MGAM: variants seen among roughly 807,000 people sequenced by gnomAD.
MGAM encodes maltase-glucoamylase.
A neutral mutation model predicts 358.8 loss-of-function variants in MGAM; 253 were observed. That is an observed-to-expected ratio of 0.71 (90% confidence interval 0.64 to 0.78). The LOEUF (loss-of-function observed/expected upper bound fraction) is 0.78. Among genes scored for constraint, MGAM ranks in the 30% least tolerant of loss-of-function variants. The probability of loss-of-function intolerance (pLI) is 0.00; values close to 1 mark genes in which losing one functional copy is unlikely to be tolerated. For missense variants in MGAM, 3,080 were observed against 3,432.6 expected (o/e 0.90, Z 2.57); for synonymous variants, 1,105 against 1,227.1 (o/e 0.90, Z 2.08).
chr7:142,061,052 A>G (rs758141288), intron 34 of MGAM, among the ~76,000 whole-genome samples: 7 of 152,326 alleles, frequency 4.6e-5, no homozygotes, highest in Non-Finnish European at 1.0e-4. Context: ...TTGAATGAAT[A>G]CATGGCTCCT....
chr7:142,089,200 A>G (rs1204197014), intron 57 of MGAM, among the ~76,000 whole-genome samples: 3 of 145,836 alleles, frequency 2.1e-5, no homozygotes, highest in African/African-American at 4.9e-5. Flanking sequence ...TCAGTATCAG[A>G]ACCCCACAGT....
Position 142,071,179 on chromosome 7 carries a change from G to A in MGAM, c.5186+61G>A, listed in dbSNP as rs183986540. 4.1e-4 allele frequency: 610 copies of A among 1,488,978 alleles called. 94 individuals are homozygous for A. Among genetic ancestry groups the A allele is most frequent in the Admixed American group, 1.4e-3 (72 of 51,708 alleles). 92.2% of individuals were successfully genotyped at this position (1,488,978 alleles called of 1,614,324 possible). ...AGTTAGCTCAACAATTTGTGATGAAGTCTACCAAAATGTAAGCATCACTTT... is the reference window on the plus strand; with the variant it reads ...AGTTAGCTCAACAATTTGTGATGAAATCTACCAAAATGTAAGCATCACTTT... On this transcript the variant is annotated intron_variant, in intron 44 of 70. Transcript: ENST00000475668.
intron 23 of MGAM, among the ~76,000 whole-genome samples, 180 bp from the exon 24 acceptor site, chr7:142,050,517 G>A (rs753097068): frequency 6.6e-6 from 1 of 152,074 alleles, no homozygotes; most frequent in African/African-American, 2.4e-5. Context: ...TTTTATGATC[G>A]TTTTAAATTA....
In MGAM at chr7:142,060,326, C is replaced by G; in HGVS notation, c.4075C>G (p.Pro1359Ala). The change falls in exon 34 of 71, where the codon CCT (proline) becomes GCT (alanine). Residue 1359 changes from proline to alanine, a missense_variant. By Grantham distance (27) the Pro-to-Ala change is conservative. This residue lies in a region of MGAM where 1,816 missense variants were observed against 1,840.5 expected (regional missense o/e 0.99). Coordinates refer to ENST00000475668, the MANE Select transcript of MGAM (RefSeq NM_001365693.1). ...IVWGKVWPDF[P>A]DVVVNGSLDW... is the part of the protein sequence containing the mutation. ...CTCTCCATAGGTCTGGCCTGATTTTCCTGATGTTGTTGTGAATGGGTCTCT... is the reference window on the plus strand; with the variant it reads ...CTCTCCATAGGTCTGGCCTGATTTTGCTGATGTTGTTGTGAATGGGTCTCT... 1 of 1,614,040 alleles carries G rather than the reference C, an allele frequency of 6.2e-7. No individual in the cohort carries two copies. Among genetic ancestry groups the G allele is most frequent in the Non-Finnish European group, 8.5e-7 (1 of 1,179,872 alleles).
chr7:142,007,296 TTGTTTATTGAATTTTTA>T (rs1469769161), intron 2 of MGAM, among the ~76,000 whole-genome samples: 1 of 152,130 alleles, frequency 6.6e-6, no homozygotes, highest in African/African-American at 2.4e-5. Context: ...CAAACTTTTT[TTGTTTATTGAATTTTTA>T]TATCCTCAAA....
chr7:142,050,874 C>G lies in MGAM; in HGVS notation c.2805+10C>G, dbSNP rs758499469. 2.5e-6 allele frequency: 4 copies of G among 1,613,336 alleles called. No individual in the cohort carries two copies. In the African/African-American group the frequency reaches 5.3e-5, roughly 22 times the overall value. On this transcript the variant is annotated intron_variant, in intron 24 of 70. Transcript: ENST00000475668. ...TGATTCTAACCTGAAGGTAAAAACC[C>G]ATTTTGTTGAGATGGTACATTGAGA...
In MGAM at chr7:142,068,550, A is replaced by G. The variant is rs557133445; in HGVS notation, c.5005-97A>G. ...TTGGGACATGAGGCAGCTGGGTCCA[A>G]AGCCATCACAATTATTTCACCTCTT... is the stretch of plus-strand genomic sequence containing the variant. On this transcript the variant is annotated intron_variant, in intron 42 of 70. Transcript: ENST00000475668. 52 of 1,003,200 alleles carry G rather than the reference A, an allele frequency of 5.2e-5. No homozygotes were observed. The African/African-American group carries it at 7.1e-4, about 14-fold the overall frequency. 62.1% of individuals were successfully genotyped at this position (1,003,200 alleles called of 1,614,324 possible).
Position 142,027,232 on chromosome 7 carries a change from A to G in MGAM, c.1095+5A>G, listed in dbSNP as rs781864437. On this transcript the variant is annotated splice_donor_5th_base_variant and intron_variant, in intron 9 of 70. Transcript: ENST00000475668. ...GTTGTTCAAGAATATCTAGAGGTAAACTTAGGATGTCAAGATTATGACTCA... is the reference window on the plus strand; with the variant it reads ...GTTGTTCAAGAATATCTAGAGGTAAGCTTAGGATGTCAAGATTATGACTCA... 11 of 1,587,674 alleles carry G rather than the reference A, an allele frequency of 6.9e-6. No individual in the cohort carries two copies. In the East Asian group the frequency reaches 2.5e-4, roughly 35 times the overall value.
chr7:142,104,525 T>A (rs923284071), intron 70 of MGAM, among the ~76,000 whole-genome samples: 1 of 152,248 alleles, frequency 6.6e-6, no homozygotes, highest in African/African-American at 2.4e-5. Flanking sequence ...CACTAGTGTC[T>A]ATGAAGTTTT....
intron 57 of MGAM, among the ~76,000 whole-genome samples, chr7:142,091,646 G>A (rs1440148258): frequency 6.8e-6 from 1 of 146,362 alleles, no homozygotes; most frequent in Non-Finnish European, 1.5e-5. Context: ...GAGGTCACTA[G>A]TTCGGGTCAT....
rs1190155529 is a variant in MGAM, at chr7:142,095,609, C to T, written c.7503C>T (p.Ser2501=). ...GGGATGTTGCTTTTGTGAATATTTCCAGAACTGTCCTGCAGACCAGATACA... is the reference window on the plus strand; with the variant it reads ...GGGATGTTGCTTTTGTGAATATTTCTAGAACTGTCCTGCAGACCAGATACA... The part of the protein sequence containing the change: ...VSWDVAFVNI[S]RTVLQTRYTL... Residue 2501 remains serine (S), a synonymous_variant, in exon 64 of 71, where the codon TCC becomes TCT. Coordinates refer to ENST00000475668, the MANE Select transcript of MGAM (RefSeq NM_001365693.1). The T allele has an allele frequency of 1.9e-6, 3 of 1,613,634 alleles. No individual in the cohort carries two copies. The highest frequency in any genetic ancestry group is 2.5e-6 in the Non-Finnish European group (3 of 1,179,784).
At chr7:142,064,066 G>A (rs7797360) in intron 36 of MGAM, among the ~76,000 whole-genome samples, 94,793 of 152,088 alleles carry the variant, frequency 0.62, 29,827 homozygotes, top group East Asian at 0.87. Context: ...TGTAAAAGAC[G>A]GATAATGAGA....
intron 21 of MGAM, among the ~76,000 whole-genome samples, chr7:142,041,965 ATATATTATATATATATAATATAAT>A (rs1808735441): frequency 1.6e-4 from 4 of 24,758 alleles, no homozygotes; most frequent in East Asian, 2.3e-3. Flanking sequence ...TATAATATAT[ATATATTATATATATATAATATAAT>A]ATATATATAT....
intron 7 of MGAM, among the ~76,000 whole-genome samples, chr7:142,023,360 C>G (rs1806640427): frequency 6.6e-6 from 1 of 151,970 alleles, no homozygotes; most frequent in African/African-American, 2.4e-5. Flanking sequence ...CCACTGTGCC[C>G]AGCTGGGCTT....
Position 142,084,548 on chromosome 7 carries a change from C to T in MGAM, c.6411C>T (p.Tyr2137=), listed in dbSNP as rs774484908. 88 of 1,555,566 alleles carry T rather than the reference C, an allele frequency of 5.7e-5. 18 individuals carry two copies. The highest frequency in any genetic ancestry group is 7.7e-5 in the Non-Finnish European group (87 of 1,132,304). ...TTGGCCGGCCTGTGATGGTACCTTA[C>T]TGGTCTTTGGGGTTCCAGCTGTGTC... ...ELIGRPVMVP[Y]WSLGFQLCRY... The change falls in exon 54 of 71, where the codon TAC becomes TAT. Residue 2137 remains tyrosine, a synonymous_variant. Transcript: ENST00000475668.
intron 44 of MGAM, among the ~76,000 whole-genome samples, chr7:142,072,547 A>G (rs73740268): frequency 0.096 from 14,097 of 146,192 alleles, 2,109 homozygotes; most frequent in African/African-American, 0.23. Context: ...TACTCTGTGC[A>G]TGAAAATTGT....
At chr7:142,041,974 AT>A (rs1808751922) in intron 21 of MGAM, among the ~76,000 whole-genome samples, 1 of 26,422 alleles carries the variant, frequency 3.8e-5, no homozygotes, top group Non-Finnish European at 6.9e-5. Context: ...TATATATTAT[AT>A]ATATATAATA....
At chr7:142,055,472 GT>G in intron 27 of MGAM, 85 bp from the exon 28 acceptor site, 1 of 1,510,246 alleles carries the variant, frequency 6.6e-7, no homozygotes, top group Admixed American at 1.7e-5. Context: ...TAGGAATCAA[GT>G]GTTCTGTTGT....
intron 26 of MGAM, among the ~76,000 whole-genome samples, chr7:142,053,922 C>T (rs1424800448): frequency 4.6e-5 from 7 of 152,184 alleles, no homozygotes; most frequent in Non-Finnish European, 8.8e-5. Flanking sequence ...CTAGCCTTAA[C>T]CATTGCCTAC....
Sources: gnomAD v4.1 joint callset for allele counts (sites outside exome capture counted in the v4.1 genomes callset) on GRCh38, gnomAD v4.1.1 for gene constraint, gnomAD v4.1.1 regional missense constraint, MANE v1.5 for transcripts, NCBI Gene and HGNC (gene_info 2026-07-23, HGNC 2026-07-21) for gene names.